The following KLHL4 variants were observed in gnomAD, a reference collection of about 807,000 sequenced individuals.
KLHL4 encodes the protein kelch-like protein 4.
A neutral mutation model predicts 45.8 loss-of-function variants in KLHL4; 17 were observed. The ratio of observed to expected loss-of-function variants is 0.37; its 90% CI spans 0.25 to 0.56. KLHL4 has a LOEUF of 0.56. Among genes scored for constraint, KLHL4 ranks in the 20% least tolerant of loss-of-function variants. The probability of loss-of-function intolerance (pLI) is 0.79; values close to 1 mark genes in which losing one functional copy is unlikely to be tolerated. For synonymous variants in KLHL4, 224 were observed against 189.9 expected, an observed-to-expected ratio of 1.18 and a Z score of -1.47; for missense variants, 544 against 544.9, an observed-to-expected ratio of 1.00 and a Z score of 0.02.
intron 9 of KLHL4, among the ~76,000 whole-genome samples, chrX:87,642,466 T>G (rs1477805877): frequency 8.9e-6 from 1 of 111,928 alleles, no homozygotes; most frequent in Non-Finnish European, 1.9e-5. Context: ...CAACCCTGCC[T>G]AGTAATATGA....
chrX:87,613,217 C>T (rs1268394205), intron 1 of KLHL4, among the ~76,000 whole-genome samples: 1 of 111,772 alleles, frequency 8.9e-6, no homozygotes, highest in Non-Finnish European at 1.9e-5. Context: ...TGTTCATCTC[C>T]TACTGATTGT....
In KLHL4 at chrX:87,639,074, A is replaced by C. The variant is rs1001079227; in HGVS notation, c.1925+3299A>C. Among the ~76,000 whole-genome samples, 79 of 111,664 alleles carry C rather than the reference A, an allele frequency of 7.1e-4. 3 individuals carry two copies. Among genetic ancestry groups the C allele is most frequent in the Non-Finnish European group, 7.5e-5 (4 of 53,089 alleles). ...CTTATATCAGACAAAACAAACTTTA[A>C]AGCAACAACAGTTAAAAAAGACAAA... On this transcript the variant is annotated intron_variant, in intron 9 of 10. Transcript: ENST00000373119.
rs762384370 is a variant in KLHL4, at chrX:87,562,547, G to GT, written c.422+44233dup. ...CTACTTGAGGAAAGGATAGGGAAGA[G>GT]TAAAAAAAAAAAATTGTCTTTCAAA... On this transcript the variant is annotated intron_variant, in intron 1 of 10. Coordinates refer to ENST00000373119, the MANE Select transcript of KLHL4 (RefSeq NM_019117.5). Among the ~76,000 whole-genome samples, 311 of 92,563 alleles carry GT rather than the reference G, an allele frequency of 3.4e-3. 1 individual carries two copies. Among genetic ancestry groups the GT allele is most frequent in the African/African-American group, 0.012 (292 of 24,434 alleles). 80.4% of individuals were successfully genotyped at this position (92,563 alleles called of 115,157 possible).
At chrX:87,643,594 T>C (rs1057191172) in intron 9 of KLHL4, among the ~76,000 whole-genome samples, 2 of 110,800 alleles carry the variant, frequency 1.8e-5, no homozygotes, top group Non-Finnish European at 3.8e-5. Flanking sequence ...GGAAAAGACA[T>C]AACCAAAAAA....
intron 1 of KLHL4, among the ~76,000 whole-genome samples, chrX:87,575,980 T>C (rs1921088804): frequency 8.9e-6 from 1 of 111,826 alleles, no homozygotes. Context: ...AACTTTATAG[T>C]GTTGGTTTGA....
chrX:87,547,506 A>T (rs1431393240), intron 1 of KLHL4, among the ~76,000 whole-genome samples: 1 of 111,576 alleles, frequency 9.0e-6, no homozygotes, highest in Admixed American at 9.6e-5. Flanking sequence ...TAAAACAGAG[A>T]CAAAATTCAA....
chrX:87,633,725 C>G, intron 7 of KLHL4, 24 bp from the exon 8 acceptor site: 1 of 1,144,489 alleles, frequency 8.7e-7, no homozygotes, highest in Non-Finnish European at 1.2e-6. Context: ...TAGGTGAACC[C>G]ACATATTATT....
intron 1 of KLHL4, among the ~76,000 whole-genome samples, chrX:87,608,974 C>T (rs1403437569): frequency 8.1e-5 from 9 of 110,695 alleles, no homozygotes; most frequent in Non-Finnish European, 7.6e-5. Flanking sequence ...CATGTGTTCT[C>T]ATTGTTCAAT....
At chrX:87,588,846 GGAGGAA>G (rs757672286) in intron 1 of KLHL4, among the ~76,000 whole-genome samples, 14 of 110,063 alleles carry the variant, frequency 1.3e-4, no homozygotes, top group South Asian at 3.9e-4. Context: ...AGGAGGAAGA[GGAGGAA>G]GAGGAAGAGG....
intron 1 of KLHL4, among the ~76,000 whole-genome samples, chrX:87,602,953 T>C (rs767441019): frequency 8.9e-6 from 1 of 111,780 alleles, no homozygotes; most frequent in Admixed American, 9.5e-5. Flanking sequence ...AATCTCACAT[T>C]TTATTATTAA....
chrX:87,530,605 A>AT (rs1297439184), intron 1 of KLHL4, among the ~76,000 whole-genome samples: 2 of 106,369 alleles, frequency 1.9e-5, no homozygotes, highest in East Asian at 3.1e-4. Flanking sequence ...TGAACTCATC[A>AT]TTTTTTATGG....
intron 9 of KLHL4, among the ~76,000 whole-genome samples, chrX:87,655,223 G>A (rs1923949930): frequency 9.0e-6 from 1 of 111,493 alleles, no homozygotes; most frequent in Non-Finnish European, 1.9e-5. Context: ...TTTTGCCAAG[G>A]CCATTTTCTT....
chrX:87,560,581 A>AT (rs1275220595), intron 1 of KLHL4, among the ~76,000 whole-genome samples: 1 of 110,959 alleles, frequency 9.0e-6, no homozygotes, highest in Non-Finnish European at 1.9e-5. Flanking sequence ...TATAACTGAG[A>AT]TTTTATACCC....
At chrX:87,597,578 C>T (rs1921877751) in intron 1 of KLHL4, among the ~76,000 whole-genome samples, 1 of 111,349 alleles carries the variant, frequency 9.0e-6, no homozygotes, top group Admixed American at 9.6e-5. Flanking sequence ...AAGTTTTAGG[C>T]ATATCGAGTT....
At position 87,632,364 on chromosome X, in the gene KLHL4, G is replaced by A; in HGVS notation, c.1479G>A (p.Val493=). ...GRDGLKTLNT[V]ECFNPVGKIW... is the part of the protein sequence containing the mutation. ...ACGGTTTAAAAACTTTGAATACAGT[G>A]GAATGTTTTAATCCAGTTGGCAAAA... Residue 493 remains valine (V), a synonymous_variant, in exon 7 of 11, where the codon GTG becomes GTA. Transcript: ENST00000373119. The A allele has an allele frequency of 1.7e-6, 2 of 1,210,708 alleles. No individual in the cohort carries two copies. Among genetic ancestry groups the A allele is most frequent in the Non-Finnish European group, 2.2e-6 (2 of 894,773 alleles).
intron 1 of KLHL4, among the ~76,000 whole-genome samples, chrX:87,608,575 T>C (rs1010162345): frequency 1.8e-5 from 2 of 110,553 alleles, no homozygotes; most frequent in African/African-American, 3.3e-5. Context: ...AGAGATTTAT[T>C]TGGTTCATGA....
intron 1 of KLHL4, among the ~76,000 whole-genome samples, chrX:87,580,119 A>G (rs910262420): frequency 6.3e-5 from 7 of 111,553 alleles, no homozygotes; most frequent in African/African-American, 2.0e-4. Context: ...AGTTTTGTAA[A>G]TGATTGAAGT....
chrX:87,547,169 T>G (rs1931701352), intron 1 of KLHL4, among the ~76,000 whole-genome samples: 1 of 111,621 alleles, frequency 9.0e-6, no homozygotes, highest in South Asian at 3.8e-4. Context: ...CCCATCCAAA[T>G]CTCATCTTGA....
intron 1 of KLHL4, among the ~76,000 whole-genome samples, chrX:87,576,272 A>C (rs955268418): frequency 8.9e-6 from 1 of 111,805 alleles, no homozygotes; most frequent in Non-Finnish European, 1.9e-5. Context: ...ATTTGAGGTA[A>C]TATGTGAAAG....
Sources: gnomAD v4.1 joint callset for allele counts (sites outside exome capture counted in the v4.1 genomes callset) on GRCh38, gnomAD v4.1.1 for gene constraint, MANE v1.5 for transcripts, NCBI Gene and HGNC (gene_info 2026-07-23, HGNC 2026-07-21) for gene names.